Variants in ERAP1 observed in about 807,000 individuals in gnomAD.
ERAP1 encodes the protein adipocyte-derived leucine aminopeptidase.
ERAP1 carries 86 observed loss-of-function variants against 103.7 expected under a neutral mutation model. The ratio of observed to expected loss-of-function variants is 0.83; its 90% confidence interval spans 0.70 to 0.99. The LOEUF is 0.99. Ranked by LOEUF, ERAP1 falls within the 50% of genes least tolerant of loss-of-function variation. The probability of loss-of-function intolerance (pLI) is 0.00; values close to 1 mark genes in which losing one functional copy is unlikely to be tolerated. For synonymous variants in ERAP1, 398 were observed against 402.4 expected, an observed-to-expected ratio of 0.99 and a Z score of 0.13; for missense variants, 1,009 against 1,128.4, an observed-to-expected ratio of 0.89 and a Z score of 1.52.
At position 96,774,491 on chromosome 5, in the gene ERAP1, C is replaced by CAA. The variant is rs1773611293; in HGVS notation, c.*1903_*1904dup. The CAA allele has an allele frequency of 3.0e-6, 3 of 986,224 alleles. No individual in the cohort carries two copies. Among genetic ancestry groups the CAA allele is most frequent in the Non-Finnish European group, 3.6e-6 (3 of 829,392 alleles). 61.1% of individuals were successfully genotyped at this position (986,224 alleles called of 1,614,324 possible). A position where few individuals can be genotyped will look rare whatever the true frequency, so the allele number is the denominator to read the frequency against. On this transcript the variant is annotated 3_prime_UTR_variant, in exon 19 of 19. Transcript: ENST00000443439. ...ATAATTGCAAATATCCACTTAGAGGCAAAGAACAATTTTTTATTATCAAAA... is the reference window on the plus strand; with the variant it reads ...ATAATTGCAAATATCCACTTAGAGGCAAAAAGAACAATTTTTTATTATCAAAA...
At chr5:96,912,031 T>C in the ERAP1 span, among the ~76,000 whole-genome samples, 1 of 144,974 alleles carries the variant, frequency 6.9e-6, no homozygotes, top group African/African-American at 2.6e-5. Flanking sequence ...CTACTAAAAA[T>C]ACAAAAAAAT....
chr5:96,851,077 A>G, the ERAP1 span, among the ~76,000 whole-genome samples: 1 of 152,146 alleles, frequency 6.6e-6, no homozygotes, highest in African/African-American at 2.4e-5. Flanking sequence ...GAATATGTAA[A>G]TAGTATCCAT....
the ERAP1 span, chr5:96,918,630 T>G: frequency 3.3e-5 from 5 of 152,238 alleles, no homozygotes; most frequent in African/African-American, 9.6e-5. Context: ...CCATTTGGTT[T>G]AAGCCTTACA....
chr5:96,883,961 T>G, the ERAP1 span: 6 of 1,548,042 alleles, frequency 3.9e-6, no homozygotes, highest in Admixed American at 1.3e-4. Context: ...TTTTAGAAAT[T>G]GTTCTCAAGT....
chr5:96,905,936 TC>T, the ERAP1 span, among the ~76,000 whole-genome samples: 1 of 137,302 alleles, frequency 7.3e-6, no homozygotes, highest in Non-Finnish European at 1.5e-5. Flanking sequence ...AATTTTTTTT[TC>T]TTTTTAATTT....
At chr5:96,878,332 T>G in the ERAP1 span, among the ~76,000 whole-genome samples, 2 of 152,146 alleles carry the variant, frequency 1.3e-5, no homozygotes, top group African/African-American at 4.8e-5. Context: ...CAGCAACCTT[T>G]ACACCAGTAG....
At chr5:96,789,372 G>T (rs193117374) in intron 10 of ERAP1, among the ~76,000 whole-genome samples, 12 of 151,968 alleles carry the variant, frequency 7.9e-5, no homozygotes, top group Admixed American at 3.3e-4. Context: ...CTGTAATCCC[G>T]GCTACCTGGG....
At chr5:96,832,798 A>C in the ERAP1 span, among the ~76,000 whole-genome samples, 1 of 152,192 alleles carries the variant, frequency 6.6e-6, no homozygotes. Flanking sequence ...ACACTGCTTG[A>C]ATTGCATTCA....
At chr5:96,802,064 A>G (rs994938147) in intron 2 of ERAP1, among the ~76,000 whole-genome samples, 1 of 152,114 alleles carries the variant, frequency 6.6e-6, no homozygotes, top group Non-Finnish European at 1.5e-5. Flanking sequence ...AAGACTGCCA[A>G]TATACACTAT....
the ERAP1 span, among the ~76,000 whole-genome samples, chr5:96,911,708 C>CA: frequency 3.3e-5 from 5 of 151,368 alleles, no homozygotes; most frequent in East Asian, 3.9e-4. Context: ...CCCATCTCTA[C>CA]AAAAAAATTT....
chr5:96,913,571 A>G, the ERAP1 span: 1 of 1,266,276 alleles, frequency 7.9e-7, no homozygotes, highest in Non-Finnish European at 1.1e-6. Flanking sequence ...TTTGTATCCA[A>G]ATAGTTCAGT....
rs1381109454 is a variant in ERAP1 at position 96,792,156 on chromosome 5, C to G, written c.1225G>C (p.Glu409Gln). ...YFFGKCFDAMEVDALNSSHPV... is the reference protein window; with the variant it reads ...YFFGKCFDAMQVDALNSSHPV... ...TGTGAGGAATTTAAAGCATCTACCT[C>G]CATTGCGTCAAAACATTTGCCAAAG... is the stretch of plus-strand genomic sequence containing the variant. The change falls in exon 8 of 19, where the codon GAG (glutamate) becomes CAG (glutamine). Residue 409 changes from glutamate (E) to glutamine (Q), a missense_variant. By Grantham distance (29) the Glu-to-Gln change is conservative. This residue lies in a region of ERAP1 where 611 missense variants were observed against 651.7 expected (regional missense o/e 0.94). Transcript: ENST00000443439. 1.2e-6 allele frequency: 2 copies of G among 1,613,850 alleles called. No individual in the cohort carries two copies. Among genetic ancestry groups the G allele is most frequent in the Non-Finnish European group, 1.7e-6 (2 of 1,179,714 alleles).
the ERAP1 span, among the ~76,000 whole-genome samples, chr5:96,898,396 T>G: frequency 2.6e-5 from 4 of 152,106 alleles, no homozygotes; most frequent in African/African-American, 7.2e-5. Context: ...ATTTTTTACT[T>G]GCATTTCTTG....
chr5:96,900,732 A>AGT, the ERAP1 span, among the ~76,000 whole-genome samples: 3 of 152,310 alleles, frequency 2.0e-5, no homozygotes, highest in Admixed American at 2.0e-4. Context: ...GCTGGAGTAT[A>AGT]GTGGCACAAT....
chr5:96,886,660 GACA>G, the ERAP1 span: 1 of 1,518,568 alleles, frequency 6.6e-7, no homozygotes, highest in Non-Finnish European at 9.0e-7. Flanking sequence ...TGTAGGTTAA[GACA>G]ATTGAACTTG....
chr5:96,854,670 CAGTT>C, the ERAP1 span, among the ~76,000 whole-genome samples: 2 of 152,260 alleles, frequency 1.3e-5, no homozygotes, highest in Middle Eastern at 3.4e-3. Flanking sequence ...CTAACACAAA[CAGTT>C]AGAATCCTAA....
At chr5:96,795,243 G>A (rs574497348) in intron 4 of ERAP1, 81 bp from the exon 5 acceptor site, 9 of 1,570,810 alleles carry the variant, frequency 5.7e-6, no homozygotes, top group South Asian at 5.6e-5. Context: ...TGACATTAAT[G>A]TCTTCATATT....
At chr5:96,823,439 C>G in the ERAP1 span, among the ~76,000 whole-genome samples, 45 of 152,368 alleles carry the variant, frequency 3.0e-4, no homozygotes, top group Non-Finnish European at 6.0e-4. Flanking sequence ...TGCATAGATA[C>G]TACAGTAGCC....
At chr5:96,872,552 T>C in the ERAP1 span, among the ~76,000 whole-genome samples, 1 of 152,186 alleles carries the variant, frequency 6.6e-6, no homozygotes, top group Non-Finnish European at 1.5e-5. Flanking sequence ...TAAGCTGTAA[T>C]TGTGCCACTG....
Sources: gnomAD v4.1 joint callset for allele counts (sites outside exome capture counted in the v4.1 genomes callset) on GRCh38, gnomAD v4.1.1 for gene constraint, gnomAD v4.1.1 regional missense constraint, MANE v1.5 for transcripts, NCBI Gene and HGNC (gene_info 2026-07-23, HGNC 2026-07-21) for gene names.